LONP1: variants seen among roughly 807,000 people sequenced by gnomAD.
LONP1 encodes lon protease homolog, mitochondrial.
In LONP1, 31 loss-of-function variants were observed where a neutral mutation model predicts 98.5. The observed-to-expected ratio is 0.31, with a 90% CI of 0.24 to 0.42. The LOEUF (loss-of-function observed/expected upper bound fraction) is 0.42. LONP1 is among the 20% of genes least tolerant of loss of function. The pLI is 1.00. For missense variants in LONP1, 1,336 were observed against 1,350.6 expected, an observed-to-expected ratio of 0.99 and a Z score of 0.17; for synonymous variants, 781 against 594.7, an observed-to-expected ratio of 1.31 and a Z score of -4.56.
Position 5,691,863 on chromosome 19 carries a change from C to A in LONP1, c.*169G>T, listed in dbSNP as rs886203512. 2 of 818,780 alleles carry A rather than the reference C, an allele frequency of 2.4e-6. No individual in the cohort carries two copies. Among genetic ancestry groups the A allele is most frequent in the South Asian group, 3.5e-5 (2 of 57,082 alleles). The allele number at this position is 818,780 out of a possible 1,614,324, so 50.7% of individuals were successfully genotyped here. ...GCAAATGACTTTAATCATTAAATAG[C>A]TTCTATGCCACACTCTGATTAAGCC... On this transcript the variant is annotated 3_prime_UTR_variant, in exon 18 of 18. Transcript: ENST00000360614.
chr19:5,719,891 C>G lies in LONP1; in HGVS notation c.242G>C (p.Gly81Ala). Reference sequence around the variant, plus strand: ...GCCGCCCTCGGAGGCGTCCTCGCCCCCCGAGAATGCGCCTCCGCCGCGGCT... The same window carrying G: ...GCCGCCCTCGGAGGCGTCCTCGCCCGCCGAGAATGCGCCTCCGCCGCGGCT... ...ASSRGGGAFS[G>A]GEDASEGGAE... Residue 81 changes from glycine (G) to alanine (A), a missense_variant, in exon 1 of 18, where the codon GGG (glycine) becomes GCG (alanine). Transcript: ENST00000360614. The G allele has an allele frequency of 6.4e-7, 1 of 1,563,496 alleles. No homozygotes were observed. The highest frequency in any genetic ancestry group is 8.7e-7 in the Non-Finnish European group (1 of 1,155,788).
intron 3 of LONP1, among the ~76,000 whole-genome samples, chr19:5,712,740 CCA>C (rs1422485970): frequency 2.0e-5 from 3 of 151,960 alleles, no homozygotes; most frequent in African/African-American, 7.2e-5. Flanking sequence ...AGCGATCCTC[CCA>C]CCTCAGCCTC....
chr19:5,693,006 C>T (rs969469004), intron 17 of LONP1, among the ~76,000 whole-genome samples: 1 of 152,100 alleles, frequency 6.6e-6, no homozygotes, highest in Non-Finnish European at 1.5e-5. Context: ...ACGTCGTCCC[C>T]ATCTCTAGCC....
chr19:5,704,767 C>T (rs547741963), intron 8 of LONP1, among the ~76,000 whole-genome samples: 8 of 152,320 alleles, frequency 5.3e-5, no homozygotes, highest in African/African-American at 1.2e-4. Context: ...GCCAGTGCTG[C>T]GGGAAGGCAT....
At chr19:5,714,670 G>A (rs1348759031) in intron 1 of LONP1, among the ~76,000 whole-genome samples, 3 of 144,334 alleles carry the variant, frequency 2.1e-5, no homozygotes, top group East Asian at 4.2e-4. Flanking sequence ...CCAGGCTGGA[G>A]TGCAGTGGCA....
intron 16 of LONP1, 30 bp from the exon 17 acceptor site, chr19:5,693,492 G>C (rs755587670): frequency 5.0e-6 from 8 of 1,611,692 alleles, no homozygotes; most frequent in Non-Finnish European, 6.8e-6. Context: ...TAGTGGGTGA[G>C]CAGGTGGCCA....
In LONP1 at chr19:5,706,873, G is replaced by A. The variant is rs530542807; in HGVS notation, c.1146+187C>T. On this transcript the variant is annotated intron_variant, in intron 7 of 17. Coordinates refer to ENST00000360614, the MANE Select transcript of LONP1 (RefSeq NM_004793.4). ...CCAGCTTTAAGCTTCCCTGTTCAAC[G>A]CGGAGAGTTCCACAGCCCAGGACGA... Among the ~76,000 whole-genome samples, 12 of 152,340 alleles carry A rather than the reference G, an allele frequency of 7.9e-5. No individual in the cohort carries two copies. In the South Asian group the frequency reaches 1.9e-3, roughly 24 times the overall value.
chr19:5,694,318 G>A, intron 15 of LONP1, 69 bp downstream of exon 15: 4 of 1,587,578 alleles, frequency 2.5e-6, no homozygotes, highest in Non-Finnish European at 3.4e-6. Context: ...AGGTGTACAA[G>A]GTGGGACCTG....
rs1438336683 is a variant in LONP1 at position 5,695,956 on chromosome 19, C to G, written c.2013+98G>C. 5 of 1,081,964 alleles carry G rather than the reference C, an allele frequency of 4.6e-6. No individual in the cohort carries two copies. The Admixed American group carries it at 1.1e-4, about 24-fold the overall frequency. The allele number at this position is 1,081,964 out of a possible 1,614,324, so 67.0% of individuals were successfully genotyped here. ...TCGGCCGCAGGTCCCACCTGTCTCT[C>G]CCGGGCCCAGGAGCTCCCAGAGGCA... is the stretch of plus-strand genomic sequence containing the variant. On this transcript the variant is annotated intron_variant, in intron 13 of 17. Transcript: ENST00000360614.
chr19:5,693,663 C>T lies in LONP1; in HGVS notation c.2427G>A (p.Val809=). 6.2e-7 allele frequency: 1 copy of T among 1,614,114 alleles called. No individual in the cohort carries two copies. Among genetic ancestry groups the T allele is most frequent in the African/African-American group, 1.3e-5 (1 of 75,032 alleles). The change falls in exon 16 of 18, where the codon GTG becomes GTA. Residue 809 remains valine (V), a synonymous_variant. Transcript: ENST00000360614. ...AGGCTATGCGGGCGCTCTCCTTCAT[C>T]ACCTCCCCCAGCTGGCCTGTCACCT... ...SLEVTGQLGE[V]MKESARIAYT...
At chr19:5,708,128 A>G in intron 5 of LONP1, 1 of 616,792 alleles carries the variant, frequency 1.6e-6, no homozygotes, top group Non-Finnish European at 2.8e-6. Flanking sequence ...CGGCCTCAGC[A>G]GAAGGGGACA....
chr19:5,709,734 C>T (rs2055206077), intron 4 of LONP1, among the ~76,000 whole-genome samples: 1 of 151,674 alleles, frequency 6.6e-6, no homozygotes, highest in South Asian at 2.1e-4. Flanking sequence ...ACGGTGAAAC[C>T]CCGTCTCTAC....
intron 6 of LONP1, 119 bp downstream of exon 6, chr19:5,707,578 A>G: frequency 9.2e-7 from 1 of 1,092,126 alleles, no homozygotes; most frequent in South Asian, 1.4e-5. Context: ...CGGTGGAGGG[A>G]CAAGGGCAGC....
intron 7 of LONP1, among the ~76,000 whole-genome samples, chr19:5,706,807 C>T (rs1213686186): frequency 1.3e-5 from 2 of 152,220 alleles, no homozygotes; most frequent in Admixed American, 6.5e-5. Context: ...TAATGTTGGA[C>T]GGTCCTGAGA....
At position 5,708,426 on chromosome 19, in the gene LONP1, G is replaced by A. The variant is rs201804838; in HGVS notation, c.871-23C>T. ...GGCCTGCCAAGTATGGGGCAGGGTCGCTGGGGCCCAGCAGTGCTCCAGCAG... is the reference window on the plus strand; with the variant it reads ...GGCCTGCCAAGTATGGGGCAGGGTCACTGGGGCCCAGCAGTGCTCCAGCAG... On this transcript the variant is annotated intron_variant, in intron 4 of 17. Coordinates refer to ENST00000360614, the MANE Select transcript of LONP1 (RefSeq NM_004793.4). 1,767 of 1,601,300 alleles carry A rather than the reference G, an allele frequency of 1.1e-3. 5 individuals carry two copies. The highest frequency in any genetic ancestry group is 1.3e-3 in the Non-Finnish European group (1,527 of 1,174,698).
chr19:5,714,394 C>G lies in LONP1; in HGVS notation c.430-123G>C, dbSNP rs908511624. On this transcript the variant is annotated intron_variant, in intron 1 of 17. Transcript: ENST00000360614. ...CTCAGCTCACTGCAACCTCCACCCCCACTGAGTTCAAGGGATTCTCCTGCC... is the reference window on the plus strand; with the variant it reads ...CTCAGCTCACTGCAACCTCCACCCCGACTGAGTTCAAGGGATTCTCCTGCC... 56 of 665,814 alleles carry G rather than the reference C, an allele frequency of 8.4e-5. No individual in the cohort carries two copies. The Middle Eastern group carries it at 3.1e-3, about 37-fold the overall frequency. The allele number at this position is 665,814 out of a possible 1,614,324, so 41.2% of individuals were successfully genotyped here.
Position 5,719,936 on chromosome 19 carries a change from C to A in LONP1, c.197G>T (p.Arg66Leu). Residue 66 changes from arginine (R) to leucine (L), a missense_variant, in exon 1 of 18, where the codon CGG becomes CTG. By Grantham distance (102) the Arg-to-Leu change is moderately radical (BLOSUM62 -2). Around this residue, in one of 5 missense-constraint regions of LONP1, gnomAD observed 457 missense variants for 403.1 expected, o/e 1.13. Transcript: ENST00000360614. ...GRGPAIGGQW[R>L]GFWEASSRGG... The stretch of plus-strand genomic sequence containing the variant: ...GCGGCTGCTCGCTTCCCAAAACCCC[C>A]GCCATTGGCCCCCAATTGCCGGGCC... 1.3e-6 allele frequency: 2 copies of A among 1,559,674 alleles called. No homozygotes were observed. The highest frequency in any genetic ancestry group is 1.4e-5 in the African/African-American group (1 of 73,020).
intron 17 of LONP1, 88 bp from the exon 18 acceptor site, chr19:5,692,296 G>A: frequency 7.5e-7 from 1 of 1,328,216 alleles, no homozygotes; most frequent in Non-Finnish European, 1.0e-6. Flanking sequence ...GCTTCCTGGG[G>A]ACCGGCGATA....
At position 5,707,839 on chromosome 19, in the gene LONP1, G is replaced by A. The variant is rs771246643; in HGVS notation, c.933-13C>T. ...CAGCACTGACTCCCTGGGGGACAAA[G>A]GGAGCTGCCTCGGTGGCCAGGGCCT... is the stretch of plus-strand genomic sequence containing the variant. On this transcript the variant is annotated splice_polypyrimidine_tract_variant and intron_variant, in intron 5 of 17. Coordinates refer to ENST00000360614, the MANE Select transcript of LONP1 (RefSeq NM_004793.4). The A allele has an allele frequency of 1.2e-6, 2 of 1,612,414 alleles. No individual in the cohort carries two copies. The highest frequency in any genetic ancestry group is 1.7e-6 in the Non-Finnish European group (2 of 1,179,630).
Sources: allele counts gnomAD v4.1 joint callset (sites outside exome capture counted in the v4.1 genomes callset), GRCh38; gene constraint gnomAD v4.1.1; regional missense constraint gnomAD v4.1.1; transcripts MANE v1.5; gene names NCBI Gene and HGNC (gene_info 2026-07-23, HGNC 2026-07-21).